NFU1: variants seen among roughly 807,000 people sequenced by gnomAD.
NFU1 encodes NFU1 iron-sulfur cluster scaffold.
In NFU1, 30 loss-of-function variants were observed where a neutral mutation model predicts 32.2. That is an observed-to-expected ratio of 0.93 (90% CI 0.70 to 1.26). The LOEUF (loss-of-function observed/expected upper bound fraction) is 1.26. Among genes scored for constraint, NFU1 ranks in the 50% most tolerant of loss-of-function variants. The probability of loss-of-function intolerance (pLI) is 0.00; values close to 1 mark genes in which losing one functional copy is unlikely to be tolerated. For missense variants in NFU1, 306 were observed against 306.6 expected, an observed-to-expected ratio of 1.00 and a Z score of 0.02; for synonymous variants, 112 against 104.6, an observed-to-expected ratio of 1.07 and a Z score of -0.43.
intron 2 of NFU1, among the ~76,000 whole-genome samples, chr2:69,424,898 G>A (rs1270305864): frequency 1.2e-4 from 17 of 142,184 alleles, no homozygotes; most frequent in Admixed American, 7.0e-5. Flanking sequence ...TTTTTTTGAG[G>A]CGGAGTCTCC....
intron 4 of NFU1, among the ~76,000 whole-genome samples, chr2:69,417,214 TAAAGA>T (rs930459922): frequency 4.3e-4 from 66 of 152,144 alleles, no homozygotes; most frequent in African/African-American, 1.5e-3. Flanking sequence ...AAATGATGCA[TAAAGA>T]AGTCTAATTA....
At chr2:69,411,853 C>T (rs1200919590) in intron 5 of NFU1, among the ~76,000 whole-genome samples, 4 of 152,142 alleles carry the variant, frequency 2.6e-5, no homozygotes, top group South Asian at 2.1e-4. Flanking sequence ...TTCACCTCCC[C>T]AAGTGCTGGG....
chr2:69,434,823 GTC>G (rs1312508134), intron 1 of NFU1, among the ~76,000 whole-genome samples: 9 of 152,186 alleles, frequency 5.9e-5, no homozygotes, highest in Non-Finnish European at 8.8e-5. Context: ...TTAGTACTCA[GTC>G]TCTCTGGATC....
intron 2 of NFU1, chr2:69,429,970 A>G (rs1332321981): frequency 3.1e-6 from 1 of 322,484 alleles, no homozygotes; most frequent in South Asian, 2.4e-5. Flanking sequence ...CGGAGGTTAC[A>G]GTGAGCCAAG....
chr2:69,423,478 T>G lies in NFU1; in HGVS notation c.302+104A>C. 3 of 1,011,968 alleles carry G rather than the reference T, an allele frequency of 3.0e-6. No homozygotes were observed. The South Asian group carries it at 4.7e-5, about 16-fold the overall frequency. The allele number at this position is 1,011,968 out of a possible 1,614,324, so 62.7% of individuals were successfully genotyped here. Reference sequence around the variant, plus strand: ...ATTATTTTCTACACTTAAAAAAAAATGCAGTGCACATAGAAATGCAATAGT... The same window carrying G: ...ATTATTTTCTACACTTAAAAAAAAAGGCAGTGCACATAGAAATGCAATAGT... On this transcript the variant is annotated intron_variant, in intron 3 of 7. Coordinates refer to ENST00000410022, the MANE Select transcript of NFU1 (RefSeq NM_001002755.4).
At chr2:69,437,212 C>T (rs964663429) in intron 1 of NFU1, 149 bp downstream of exon 1, 1 of 1,459,434 alleles carries the variant, frequency 6.9e-7, no homozygotes, top group Non-Finnish European at 9.0e-7. Flanking sequence ...AGCCTCAGGG[C>T]TCACCCCCAA....
chr2:69,413,285 CAA>C (rs1218849325), intron 5 of NFU1, among the ~76,000 whole-genome samples: 1 of 66,778 alleles, frequency 1.5e-5, no homozygotes. Context: ...AACTCCGTTT[CAA>C]AAAAAAAAAA....
chr2:69,437,873 C>T (rs980861319), upstream of NFU1, among the ~76,000 whole-genome samples: 4 of 152,172 alleles, frequency 2.6e-5, no homozygotes, highest in Admixed American at 2.0e-4. Context: ...TTTCTCCTGC[C>T]CTTTTCCCAT....
At chr2:69,404,615 ATTTTTTT>A (rs534309730) in intron 6 of NFU1, among the ~76,000 whole-genome samples, 3 of 73,010 alleles carry the variant, frequency 4.1e-5, no homozygotes, top group Non-Finnish European at 7.5e-5. Flanking sequence ...ATCTTAGCAA[ATTTTTTT>A]TTTTTTTTTT....
At chr2:69,398,651 CA>C (rs774260808) in intron 7 of NFU1, among the ~76,000 whole-genome samples, 79 of 152,204 alleles carry the variant, frequency 5.2e-4, no homozygotes, top group Non-Finnish European at 1.0e-3. Flanking sequence ...CATGTATACC[CA>C]TTCCTCCTGG....
chr2:69,398,721 C>T (rs1012524565), intron 7 of NFU1, among the ~76,000 whole-genome samples: 3 of 152,126 alleles, frequency 2.0e-5, no homozygotes, highest in African/African-American at 7.2e-5. Context: ...TGCAGCTGCC[C>T]GATAAATGGC....
At chr2:69,400,645 A>G in intron 6 of NFU1, 107 bp from the exon 7 acceptor site, 1 of 921,276 alleles carries the variant, frequency 1.1e-6, no homozygotes, top group African/African-American at 1.7e-5. Flanking sequence ...AAATTCACAA[A>G]GTTAGAGCTA....
chr2:69,400,377 T>G lies in NFU1; in HGVS notation c.707A>C (p.Glu236Ala). The change falls in exon 7 of 8, where the codon GAA (glutamate) becomes GCA (alanine). Residue 236 changes from glutamate to alanine, a missense_variant. Coordinates refer to ENST00000410022, the MANE Select transcript of NFU1 (RefSeq NM_001002755.4). ...ATATTGGCATACCTGTTCTACGCCT[T>G]CTACCTCCGGAATATAAAACTGCAG... is the stretch of plus-strand genomic sequence containing the variant. ...NMLQFYIPEV[E>A]GVEQVMDDES... The G allele has an allele frequency of 6.2e-7, 1 of 1,614,092 alleles. No homozygotes were observed. Among genetic ancestry groups the G allele is most frequent in the African/African-American group, 1.3e-5 (1 of 75,068 alleles).
rs190531120 is a variant in NFU1, at chr2:69,407,503, C to G, written c.485-1421G>C. 4.7e-3 allele frequency among the ~76,000 whole-genome samples: 709 copies of G among 151,196 alleles called. 2 individuals are homozygous for G. Among genetic ancestry groups the G allele is most frequent in the African/African-American group, 0.017 (685 of 41,162 alleles). On this transcript the variant is annotated intron_variant, in intron 5 of 7. Transcript: ENST00000410022. ...ACCAGCCTGGCCAATAGGGCAAAAC[C>G]CTGTCTTTACTAAAAATACAAAAAT...
At chr2:69,427,145 G>C (rs772182940) in intron 2 of NFU1, among the ~76,000 whole-genome samples, 2 of 151,284 alleles carry the variant, frequency 1.3e-5, no homozygotes, top group African/African-American at 4.9e-5. Context: ...TAGCACTTTG[G>C]GAGGCCAAAG....
intron 2 of NFU1, 57 bp from the exon 3 acceptor site, chr2:69,423,774 G>A: frequency 1.1e-5 from 14 of 1,274,576 alleles, no homozygotes; most frequent in Non-Finnish European, 1.6e-5. Context: ...CAAGTTTATG[G>A]ACTATGAAGT....
At chr2:69,415,108 G>T in intron 5 of NFU1, 77 bp downstream of exon 5, 1 of 780,090 alleles carries the variant, frequency 1.3e-6, no homozygotes, top group Non-Finnish European at 2.2e-6. Context: ...TATGACTTCT[G>T]AAATCAAGGT....
upstream of NFU1, chr2:69,437,723 C>A: frequency 1.9e-6 from 1 of 522,404 alleles, no homozygotes. Flanking sequence ...TTAGCTGGTG[C>A]TGGTGCTGCC....
At chr2:69,403,846 T>G (rs72833903) in intron 6 of NFU1, among the ~76,000 whole-genome samples, 1 of 151,652 alleles carries the variant, frequency 6.6e-6, no homozygotes, top group East Asian at 1.9e-4. Context: ...AGGGTTACTT[T>G]TTTTTTTTTT....
Sources: allele counts gnomAD v4.1 joint callset (sites outside exome capture counted in the v4.1 genomes callset), GRCh38; gene constraint gnomAD v4.1.1; transcripts MANE v1.5; gene names NCBI Gene and HGNC (gene_info 2026-07-23, HGNC 2026-07-21).